Variants in INPP5A observed in about 807,000 individuals in gnomAD.
The protein encoded by INPP5A is inositol polyphosphate-5-phosphatase A.
In INPP5A, 14 loss-of-function variants were observed where a neutral mutation model predicts 65.2. The observed-to-expected ratio is 0.21, with a 90% CI of 0.14 to 0.34. INPP5A has a LOEUF of 0.34. Among genes scored for constraint, INPP5A ranks in the 10% least tolerant of loss-of-function variants. The pLI is 1.00. For synonymous variants in INPP5A, 207 were observed against 208.3 expected (o/e 0.99, Z 0.05); for missense variants, 431 against 545.6 (o/e 0.79, Z 2.09).
chr10:132,727,930 T>C lies in INPP5A; in HGVS notation c.732+1025T>C, dbSNP rs1414178723. ...CGAGACTGTTATCTTCCCATTTTAGTCTCCAGTTCCAAACACCCACACGTA... is the reference window on the plus strand; with the variant it reads ...CGAGACTGTTATCTTCCCATTTTAGCCTCCAGTTCCAAACACCCACACGTA... On this transcript the variant is annotated intron_variant, in intron 9 of 15. Coordinates refer to ENST00000368594, the MANE Select transcript of INPP5A (RefSeq NM_005539.5). The surrounding 1 kb of genome is among the most constrained non-coding windows in gnomAD (Gnocchi z 6.5). Among the ~76,000 whole-genome samples the C allele has an allele frequency of 2.0e-5, 3 of 152,028 alleles. No homozygotes were observed. Among genetic ancestry groups the C allele is most frequent in the Non-Finnish European group, 4.4e-5 (3 of 67,988 alleles).
intron 1 of INPP5A, among the ~76,000 whole-genome samples, chr10:132,563,926 G>A (rs575190311): frequency 2.2e-3 from 334 of 152,276 alleles, no homozygotes; most frequent in African/African-American, 7.6e-3. Flanking sequence ...GAGCCCTGGC[G>A]GCTGAGTCAG....
intron 4 of INPP5A, among the ~76,000 whole-genome samples, chr10:132,673,874 A>G (rs537448637): frequency 2.4e-4 from 37 of 152,294 alleles, no homozygotes; most frequent in African/African-American, 8.9e-4. Context: ...CATATCAAGG[A>G]CTCAGTGTTG....
At chr10:132,596,281 A>AT (rs1211498740) in intron 1 of INPP5A, among the ~76,000 whole-genome samples, 4 of 152,194 alleles carry the variant, frequency 2.6e-5, no homozygotes, top group Admixed American at 2.6e-4. Context: ...TTTGGGCAGG[A>AT]TGAATGGCCC....
chr10:132,599,252 C>T lies in INPP5A; in HGVS notation c.76-8663C>T, dbSNP rs182243590. 7.9e-4 allele frequency among the ~76,000 whole-genome samples: 120 copies of T among 152,330 alleles called. 1 individual carries two copies. Among genetic ancestry groups the T allele is most frequent in the African/African-American group, 2.8e-3 (118 of 41,570 alleles). The stretch of plus-strand genomic sequence containing the variant: ...AAATCAAAAGCAAGCTAGTTACTTC[C>T]TGGATACAATGGAGGTACAGGTATT... On this transcript the variant is annotated intron_variant, in intron 1 of 15. Transcript: ENST00000368594.
At chr10:132,731,081 C>T (rs1424282434) in intron 9 of INPP5A, among the ~76,000 whole-genome samples, 1 of 152,174 alleles carries the variant, frequency 6.6e-6, no homozygotes, top group Non-Finnish European at 1.5e-5. Flanking sequence ...CTGAGGTGGG[C>T]CCTGGGTGGG....
At chr10:132,589,478 C>T (rs989979802) in intron 1 of INPP5A, among the ~76,000 whole-genome samples, 5 of 152,250 alleles carry the variant, frequency 3.3e-5, no homozygotes, top group African/African-American at 7.2e-5. Context: ...CCGAGGCACT[C>T]GCCCCTCCTG....
intron 2 of INPP5A, among the ~76,000 whole-genome samples, chr10:132,608,214 G>A (rs577254084): frequency 2.0e-5 from 3 of 152,334 alleles, no homozygotes; most frequent in Non-Finnish European, 4.4e-5. Context: ...CCCGCTCCCC[G>A]CGGGGTTCAG....
At chr10:132,777,068 G>A (rs1429769065) in intron 12 of INPP5A, among the ~76,000 whole-genome samples, 3 of 152,172 alleles carry the variant, frequency 2.0e-5, no homozygotes, top group Non-Finnish European at 4.4e-5. Flanking sequence ...TACTGGCACC[G>A]CCATGTGGCC....
chr10:132,626,823 G>A (rs768648925), intron 2 of INPP5A, among the ~76,000 whole-genome samples: 34 of 152,216 alleles, frequency 2.2e-4, no homozygotes, highest in South Asian at 6.2e-4. Context: ...TGTTGGCTCC[G>A]TGTGAGGCCC....
chr10:132,775,296 G>A (rs922382459), intron 12 of INPP5A, among the ~76,000 whole-genome samples: 30 of 151,898 alleles, frequency 2.0e-4, no homozygotes, highest in Non-Finnish European at 5.9e-5. Context: ...CCGCTCCCAC[G>A]CTGTAGGCGC....
intron 13 of INPP5A, 60 bp downstream of exon 13, chr10:132,777,842 G>C (rs776861989): frequency 6.9e-6 from 11 of 1,584,644 alleles, no homozygotes; most frequent in Non-Finnish European, 7.7e-6. Flanking sequence ...GGTCTGGTCT[G>C]GCCCAGCCCT....
chr10:132,552,719 C>A lies in INPP5A; in HGVS notation c.75+14548C>A, dbSNP rs1269278088. 1.3e-3 allele frequency among the ~76,000 whole-genome samples: 141 copies of A among 106,054 alleles called. 1 individual carries two copies. The highest frequency in any genetic ancestry group is 0.011 in the Middle Eastern group (1 of 90). The allele number at this position is 106,054 out of a possible 152,430, so 69.6% of individuals were successfully genotyped here. On this transcript the variant is annotated intron_variant, in intron 1 of 15. Coordinates refer to ENST00000368594, the MANE Select transcript of INPP5A (RefSeq NM_005539.5). Reference sequence around the variant, plus strand: ...GAACGCCTTCTCAGAGCCTTGGTGGCATATTGGGTAGGATAGGGAGGGAGG... The same window carrying A: ...GAACGCCTTCTCAGAGCCTTGGTGGAATATTGGGTAGGATAGGGAGGGAGG...
intron 4 of INPP5A, among the ~76,000 whole-genome samples, chr10:132,672,286 G>T (rs1347317861): frequency 6.6e-6 from 1 of 152,170 alleles, no homozygotes; most frequent in South Asian, 2.1e-4. Flanking sequence ...TTGGGTTGGC[G>T]ATTGGTTTTG....
chr10:132,722,779 G>A (rs1445287867), intron 8 of INPP5A, among the ~76,000 whole-genome samples: 3 of 152,258 alleles, frequency 2.0e-5, no homozygotes, highest in Admixed American at 6.5e-5. Flanking sequence ...CATTTTCAAG[G>A]CCTAAAAAAT....
chr10:132,592,645 G>A (rs914485987), intron 1 of INPP5A, among the ~76,000 whole-genome samples: 30 of 152,254 alleles, frequency 2.0e-4, no homozygotes, highest in Admixed American at 5.9e-4. Flanking sequence ...GATCTCAGGT[G>A]ATCCGCCCGC....
At chr10:132,752,409 TG>T (rs1475298276) in intron 11 of INPP5A, among the ~76,000 whole-genome samples, 18 of 39,332 alleles carry the variant, frequency 4.6e-4, no homozygotes, top group Non-Finnish European at 1.1e-4. Flanking sequence ...CTGCGTGGAG[TG>T]GGGTGCGGCA....
chr10:132,690,527 C>T lies in INPP5A; in HGVS notation c.370+72C>T, dbSNP rs1252602747. On this transcript the variant is annotated intron_variant, in intron 5 of 15. Coordinates refer to ENST00000368594, the MANE Select transcript of INPP5A (RefSeq NM_005539.5). ...CTCCTGGTGTCTGGCTTCCCCAGAC[C>T]TCTCCTGCCCTGTCTCTGTGAGTGG... 6 of 1,105,756 alleles carry T rather than the reference C, an allele frequency of 5.4e-6. No homozygotes were observed. In the Admixed American group the frequency reaches 6.9e-5, roughly 13 times the overall value. 68.5% of individuals were successfully genotyped at this position (1,105,756 alleles called of 1,614,324 possible).
In INPP5A at chr10:132,650,658, TG is replaced by T. The variant is rs972749880; in HGVS notation, c.306+155del. On this transcript the variant is annotated intron_variant, in intron 4 of 15. Coordinates refer to ENST00000368594, the MANE Select transcript of INPP5A (RefSeq NM_005539.5). This position sits in a 1 kb window ranked among gnomAD's most constrained non-coding sequence, Gnocchi z 5.5. ...CCTGGCACTCCCGCAGCCTGCTTGG[TG>T]GTCTGCTCGTGGTCTGAGCCCATGG... is the stretch of plus-strand genomic sequence containing the variant. 6.6e-6 allele frequency among the ~76,000 whole-genome samples: 1 copy of T among 152,120 alleles called. No individual in the cohort carries two copies. Among genetic ancestry groups the T allele is most frequent in the Non-Finnish European group, 1.5e-5 (1 of 68,004 alleles).
intron 1 of INPP5A, among the ~76,000 whole-genome samples, chr10:132,540,536 T>C (rs1318386082): frequency 6.6e-6 from 1 of 152,228 alleles, no homozygotes; most frequent in Non-Finnish European, 1.5e-5. Flanking sequence ...AGACCCAGTC[T>C]CCTTCAGTGG....
Sources: allele counts gnomAD v4.1 joint callset (sites outside exome capture counted in the v4.1 genomes callset), GRCh38; gene constraint gnomAD v4.1.1; non-coding constraint Gnocchi (gnomAD v3.1); transcripts MANE v1.5; gene names NCBI Gene and HGNC (gene_info 2026-07-23, HGNC 2026-07-21).